EML1: variants seen among roughly 807,000 people sequenced by gnomAD.
The protein encoded by EML1 is EMAP like 1, also known as echinoderm microtubule-associated protein-like 1.
EML1 carries 27 observed loss-of-function variants against 110.4 expected under a neutral mutation model. That is an observed-to-expected ratio of 0.24 (90% CI 0.18 to 0.34). EML1 has a LOEUF of 0.34. Ranked by LOEUF, EML1 falls within the 10% of genes least tolerant of loss-of-function variation. EML1 has a pLI of 1.00. For synonymous variants in EML1, 344 were observed against 385.8 expected (o/e 0.89, Z 1.27); for missense variants, 741 against 1,030.9 (o/e 0.72, Z 3.85).
rs376238109 is a variant in EML1 at position 99,919,425 on chromosome 14, GACACAC to G, written c.1821-1331_1821-1326del. Among the ~76,000 whole-genome samples the G allele has an allele frequency of 8.1e-3, 792 of 97,542 alleles. 4 individuals carry two copies. The highest frequency in any genetic ancestry group is 0.014 in the Non-Finnish European group (568 of 41,738). The allele number at this position is 97,542 out of a possible 152,430, so 64.0% of individuals were successfully genotyped here. ...ACACACACACATACGCATGCACACA[GACACAC>G]ACACACACACACACACACACACACA... On this transcript the variant is annotated intron_variant, in intron 16 of 21. Coordinates refer to ENST00000262233, the MANE Select transcript of EML1 (RefSeq NM_004434.3).
intron 1 of EML1, among the ~76,000 whole-genome samples, chr14:99,849,537 ATT>A (rs2058757932): frequency 6.9e-6 from 1 of 145,080 alleles, no homozygotes; most frequent in Non-Finnish European, 1.5e-5. Context: ...GTGTATATAT[ATT>A]TATTTATTTA....
At chr14:99,793,831 C>T (rs1378373986) in intron 1 of EML1, among the ~76,000 whole-genome samples, 1 of 150,192 alleles carries the variant, frequency 6.7e-6, no homozygotes, top group Non-Finnish European at 1.5e-5. Flanking sequence ...CGCGCCCGGG[C>T]GGAGGCGCGT....
At chr14:99,768,717 C>CTT (rs546941574), upstream of EML1, among the ~76,000 whole-genome samples, 62 of 135,756 alleles carry the variant, frequency 4.6e-4, no homozygotes, top group Middle Eastern at 3.8e-3. Context: ...CTTCTGTGGT[C>CTT]TTTTTTTTTT....
In EML1 at chr14:99,936,235, T is replaced by C. The variant is rs775556143; in HGVS notation, c.2008-12T>C. 15 of 1,613,988 alleles carry C rather than the reference T, an allele frequency of 9.3e-6. No homozygotes were observed. Among genetic ancestry groups the C allele is most frequent in the Non-Finnish European group, 1.3e-5 (15 of 1,179,884 alleles). On this transcript the variant is annotated splice_polypyrimidine_tract_variant and intron_variant, in intron 18 of 21. Transcript: ENST00000262233. The surrounding 1 kb of genome is among the most constrained non-coding windows in gnomAD (Gnocchi z 5.5). ...AGGCCAATGAAATGAAGACAGTGTT[T>C]TACCCTCCCAGGGTCATTCCAGCTT...
intron 2 of EML1, among the ~76,000 whole-genome samples, chr14:99,857,235 C>T (rs1191036561): frequency 3.3e-5 from 5 of 151,610 alleles, no homozygotes; most frequent in Admixed American, 6.6e-5. Context: ...TCACACACTG[C>T]ACTTCAGCCT....
At chr14:99,856,918 G>A (rs55711937) in intron 2 of EML1, among the ~76,000 whole-genome samples, 38,345 of 152,032 alleles carry the variant, frequency 0.25, 5,254 homozygotes, top group Non-Finnish European at 0.3. Flanking sequence ...AATCTAAGAC[G>A]CTATATCATT....
intron 1 of EML1, among the ~76,000 whole-genome samples, chr14:99,754,089 T>C (rs1351009811): frequency 6.6e-6 from 1 of 152,252 alleles, no homozygotes; most frequent in Non-Finnish European, 1.5e-5. Context: ...CTCAGTTTCC[T>C]GATCTGTGAA....
intron 9 of EML1, among the ~76,000 whole-genome samples, chr14:99,902,524 A>G (rs756331342): frequency 3.2e-4 from 48 of 152,306 alleles, no homozygotes; most frequent in Non-Finnish European, 5.9e-4. Context: ...CCAGTCTCCC[A>G]TTTTTACTAA....
At position 99,939,120 on chromosome 14, in the gene EML1, T is replaced by C; in HGVS notation, c.2192-77T>C. On this transcript the variant is annotated intron_variant, in intron 20 of 21. Transcript: ENST00000262233. The surrounding 1 kb of genome is among the most constrained non-coding windows in gnomAD (Gnocchi z 4.2). Reference sequence around the variant, plus strand: ...CAGGCAGTTTCATGTTCAGGACCGTTCAGTGGGCGCTTCCTGCGCCATGTG... The same window carrying C: ...CAGGCAGTTTCATGTTCAGGACCGTCCAGTGGGCGCTTCCTGCGCCATGTG... 1 of 1,572,748 alleles carries C rather than the reference T, an allele frequency of 6.4e-7. No homozygotes were observed. Among genetic ancestry groups the C allele is most frequent in the African/African-American group, 1.4e-5 (1 of 73,266 alleles).
rs1243119491 is a variant in EML1, at chr14:99,905,002, GATAA to G, written c.1009-2632_1009-2629del. 6.6e-6 allele frequency among the ~76,000 whole-genome samples: 1 copy of G among 152,122 alleles called. No homozygotes were observed. Among genetic ancestry groups the G allele is most frequent in the Non-Finnish European group, 1.5e-5 (1 of 68,038 alleles). On this transcript the variant is annotated intron_variant, in intron 9 of 21. Coordinates refer to ENST00000262233, the MANE Select transcript of EML1 (RefSeq NM_004434.3). The surrounding 1 kb of genome is among the most constrained non-coding windows in gnomAD (Gnocchi z 4.1). ...TCCCATTAATCAAAACTTTACAGGA[GATAA>G]ATAGTGATTTTTACCATTCATTCAG...
chr14:99,847,330 A>T (rs1032789950), intron 1 of EML1, among the ~76,000 whole-genome samples: 13 of 152,118 alleles, frequency 8.5e-5, no homozygotes, highest in Admixed American at 5.9e-4. Context: ...TGTTGTTCAA[A>T]TATTCTATGT....
At position 99,936,330 on chromosome 14, in the gene EML1, C is replaced by G; in HGVS notation, c.2091C>G (p.Leu697=). Reference sequence around the variant, plus strand: ...CAAATTCCGGAGACTACGAAATCCTCTACTGTGAGTACCACCCCGGGGTTG... The same window carrying G: ...CAAATTCCGGAGACTACGAAATCCTGTACTGTGAGTACCACCCCGGGGTTG... The part of the protein sequence containing the change: ...LVSNSGDYEI[L]YWVPSACKQV... The change falls in exon 19 of 22, where the codon CTC becomes CTG. Residue 697 remains leucine (L), a synonymous_variant. Transcript: ENST00000262233. The surrounding 1 kb of genome is among the most constrained non-coding windows in gnomAD (Gnocchi z 5.5). 1 of 1,612,930 alleles carries G rather than the reference C, an allele frequency of 6.2e-7. No homozygotes were observed.
chr14:99,918,394 C>A (rs2060070508), intron 16 of EML1, among the ~76,000 whole-genome samples: 1 of 152,220 alleles, frequency 6.6e-6, no homozygotes, highest in Non-Finnish European at 1.5e-5. Flanking sequence ...CCACACCCAG[C>A]CACACACACA....
At chr14:99,935,979 C>G (rs749986207) in intron 17 of EML1, 50 bp from the exon 18 acceptor site, 3 of 1,557,496 alleles carry the variant, frequency 1.9e-6, no homozygotes, top group Non-Finnish European at 2.6e-6. Context: ...TTGTAACGAA[C>G]AAAATGTGTA....
intron 4 of EML1, among the ~76,000 whole-genome samples, chr14:99,886,652 T>A (rs1376477084): frequency 6.6e-6 from 1 of 152,230 alleles, no homozygotes; most frequent in East Asian, 1.9e-4. Flanking sequence ...TTAGTTCCAC[T>A]CTGATCCTAG....
At chr14:99,800,592 C>T (rs1040549305) in intron 1 of EML1, among the ~76,000 whole-genome samples, 1 of 152,144 alleles carries the variant, frequency 6.6e-6, no homozygotes, top group Non-Finnish European at 1.5e-5. Context: ...TTGAACTCTC[C>T]TCAAGAGATC....
chr14:99,769,261 G>C (rs938256341), upstream of EML1, among the ~76,000 whole-genome samples: 1 of 152,206 alleles, frequency 6.6e-6, no homozygotes, highest in Non-Finnish European at 1.5e-5. Context: ...CAGCGGTTTT[G>C]CAGCAGGTGC....
intron 16 of EML1, 145 bp downstream of exon 16, chr14:99,917,994 C>G: frequency 3.8e-6 from 3 of 796,042 alleles, no homozygotes; most frequent in Non-Finnish European, 5.9e-6. Flanking sequence ...AAGTTAAAAG[C>G]GAAACTTGAA....
chr14:99,910,155 G>A, intron 11 of EML1, 87 bp from the exon 12 acceptor site: 1 of 976,982 alleles, frequency 1.0e-6, no homozygotes, highest in Non-Finnish European at 1.5e-6. Context: ...GAATCTAGAT[G>A]TTATTAGTAC....
Sources: allele counts gnomAD v4.1 joint callset (sites outside exome capture counted in the v4.1 genomes callset), GRCh38; gene constraint gnomAD v4.1.1; non-coding constraint Gnocchi (gnomAD v3.1); transcripts MANE v1.5; gene names NCBI Gene and HGNC (gene_info 2026-07-23, HGNC 2026-07-21).